Variants in B3GALT1 observed in about 807,000 individuals in gnomAD.
B3GALT1 encodes the protein UDP-Gal:betaGlcNAc beta 1,3-galactosyltransferase, polypeptide 1.
In B3GALT1, 10 loss-of-function variants were observed where a neutral mutation model predicts 23.2. That is an observed-to-expected ratio of 0.43 (90% CI 0.27 to 0.73). The LOEUF is 0.73. Among genes scored for constraint, B3GALT1 ranks in the 30% least tolerant of loss-of-function variants. The pLI, the probability that B3GALT1 is intolerant of heterozygous loss-of-function variation, is 0.21. For missense variants in B3GALT1, 299 were observed against 405.4 expected (o/e 0.74, Z 2.25); for synonymous variants, 156 against 141.5 (o/e 1.10, Z -0.73).
In B3GALT1 at chr2:167,340,070, A is replaced by T. The variant is rs551520072; in HGVS notation, c.-511+46736A>T. Among the ~76,000 whole-genome samples, 26 of 152,296 alleles carry T rather than the reference A, an allele frequency of 1.7e-4. No homozygotes were observed. The South Asian group carries it at 5.0e-3, about 29-fold the overall frequency. On this transcript the variant is annotated intron_variant, in intron 1 of 4. Coordinates refer to ENST00000392690, the MANE Select transcript of B3GALT1 (RefSeq NM_020981.4). Reference sequence around the variant, plus strand: ...CAAGATTTGAACAAAAACTTTGTGAAAACAGAGTGCATTTCTTGCATGTAT... The same window carrying T: ...CAAGATTTGAACAAAAACTTTGTGATAACAGAGTGCATTTCTTGCATGTAT...
rs1332205058 is a variant in B3GALT1 at position 167,487,892 on chromosome 2, C to T, written c.-510-2285C>T. The stretch of plus-strand genomic sequence containing the variant: ...TGCTTTTGGGAAAGCCTGCAAATCC[C>T]CCATTGGCAGCAGAATGACCAGAAG... On this transcript the variant is annotated intron_variant, in intron 1 of 4. Transcript: ENST00000392690. Among the ~76,000 whole-genome samples, 6 of 152,052 alleles carry T rather than the reference C, an allele frequency of 3.9e-5. No individual in the cohort carries two copies. In the East Asian group the frequency reaches 1.2e-3, roughly 29 times the overall value.
At chr2:167,825,048 G>A (rs896498486) in intron 4 of B3GALT1, among the ~76,000 whole-genome samples, 85 of 152,110 alleles carry the variant, frequency 5.6e-4, no homozygotes, top group African/African-American at 2.0e-3. Context: ...CACTTTGGAA[G>A]GCCGAGGTGG....
At chr2:167,694,593 A>G (rs1298368971) in intron 3 of B3GALT1, among the ~76,000 whole-genome samples, 1 of 152,158 alleles carries the variant, frequency 6.6e-6, no homozygotes, top group Admixed American at 6.5e-5. Context: ...TAAGAAAAAA[A>G]AGTTGGCTAG....
chr2:167,625,460 A>G (rs1255741060), intron 2 of B3GALT1, among the ~76,000 whole-genome samples: 4 of 151,886 alleles, frequency 2.6e-5, no homozygotes, highest in Non-Finnish European at 5.9e-5. Flanking sequence ...ACAAACAGGT[A>G]TGTGTCCTAT....
intron 4 of B3GALT1, among the ~76,000 whole-genome samples, chr2:167,850,117 G>A (rs868081078): frequency 6.6e-6 from 1 of 152,138 alleles, no homozygotes; most frequent in South Asian, 2.1e-4. Flanking sequence ...AACCCACAGG[G>A]TGGGAGAAAA....
At chr2:167,764,379 T>C (rs1390020773) in intron 3 of B3GALT1, among the ~76,000 whole-genome samples, 1 of 152,208 alleles carries the variant, frequency 6.6e-6, no homozygotes, top group South Asian at 2.1e-4. Flanking sequence ...GGATCTTAGG[T>C]GGCAATTTTC....
At chr2:167,688,775 C>T (rs1005133273) in intron 3 of B3GALT1, among the ~76,000 whole-genome samples, 3 of 151,870 alleles carry the variant, frequency 2.0e-5, no homozygotes, top group African/African-American at 4.8e-5. Flanking sequence ...CAAATTTGAC[C>T]CAAAACCCCA....
At chr2:167,775,654 T>C (rs181520498) in intron 3 of B3GALT1, among the ~76,000 whole-genome samples, 160 of 150,216 alleles carry the variant, frequency 1.1e-3, no homozygotes, top group South Asian at 2.3e-3. Flanking sequence ...CTATGAAAAG[T>C]ATAACTCCAA....
At chr2:167,452,326 G>A (rs2105320704) in intron 1 of B3GALT1, among the ~76,000 whole-genome samples, 1 of 152,290 alleles carries the variant, frequency 6.6e-6, no homozygotes, top group South Asian at 2.1e-4. Flanking sequence ...CTGTGGGACA[G>A]TCAGAAATGG....
intron 2 of B3GALT1, among the ~76,000 whole-genome samples, chr2:167,639,249 A>T (rs971801688): frequency 2.0e-5 from 3 of 152,016 alleles, no homozygotes; most frequent in Admixed American, 6.6e-5. Flanking sequence ...GCTATGATGG[A>T]TCATTGTAAA....
intron 1 of B3GALT1, among the ~76,000 whole-genome samples, chr2:167,465,376 G>A (rs992776880): frequency 1.3e-5 from 2 of 152,038 alleles, no homozygotes; most frequent in African/African-American, 2.4e-5. Flanking sequence ...TGGGTAATTC[G>A]TAAATTATAG....
At chr2:167,655,463 A>G (rs1023183504) in intron 3 of B3GALT1, among the ~76,000 whole-genome samples, 1 of 152,192 alleles carries the variant, frequency 6.6e-6, no homozygotes, top group Non-Finnish European at 1.5e-5. Flanking sequence ...CAAAATTAAC[A>G]ATTTAGAGCC....
chr2:167,664,462 T>C (rs1205018234), intron 3 of B3GALT1, among the ~76,000 whole-genome samples: 1 of 152,106 alleles, frequency 6.6e-6, no homozygotes, highest in Non-Finnish European at 1.5e-5. Context: ...TTTGGTTCTA[T>C]ATGAACTTTA....
At chr2:167,864,597 T>C (rs1325522059) in intron 4 of B3GALT1, among the ~76,000 whole-genome samples, 1 of 152,166 alleles carries the variant, frequency 6.6e-6, no homozygotes, top group Non-Finnish European at 1.5e-5. Context: ...CATATATCAC[T>C]GGGCGAATAG....
intron 2 of B3GALT1, among the ~76,000 whole-genome samples, chr2:167,597,532 A>C (rs1684800532): frequency 6.6e-6 from 1 of 152,166 alleles, no homozygotes; most frequent in Admixed American, 6.5e-5. Flanking sequence ...CTGCCAACTG[A>C]CACTCAAGAG....
intron 3 of B3GALT1, among the ~76,000 whole-genome samples, chr2:167,686,283 TAC>T (rs1686615370): frequency 6.6e-6 from 1 of 152,230 alleles, no homozygotes; most frequent in Non-Finnish European, 1.5e-5. Context: ...TATACTAGGT[TAC>T]AGTTTTATAA....
intron 1 of B3GALT1, among the ~76,000 whole-genome samples, chr2:167,375,123 C>T (rs1487904733): frequency 2.6e-5 from 4 of 151,918 alleles, no homozygotes; most frequent in African/African-American, 9.7e-5. Context: ...TTTTTGTCAA[C>T]TTTGTTGAAG....
At chr2:167,589,502 T>G (rs772923255) in intron 2 of B3GALT1, among the ~76,000 whole-genome samples, 1 of 152,172 alleles carries the variant, frequency 6.6e-6, no homozygotes, top group Non-Finnish European at 1.5e-5. Flanking sequence ...AGGTAAAGAT[T>G]GAAAAATTTT....
chr2:167,867,859 TC>T (rs1292501687), intron 4 of B3GALT1, among the ~76,000 whole-genome samples: 1 of 152,192 alleles, frequency 6.6e-6, no homozygotes, highest in Non-Finnish European at 1.5e-5. Flanking sequence ...CAGTAGAAGT[TC>T]TAGAAAGAAT....
Sources: allele counts gnomAD v4.1 joint callset (sites outside exome capture counted in the v4.1 genomes callset), GRCh38; gene constraint gnomAD v4.1.1; transcripts MANE v1.5; gene names NCBI Gene and HGNC (gene_info 2026-07-23, HGNC 2026-07-21).